The following ADGRB2 variants were observed in gnomAD, a reference collection of about 807,000 sequenced individuals.
ADGRB2 encodes the protein adhesion G protein-coupled receptor B2, also known as brain-specific angiogenesis inhibitor 2.
In ADGRB2, 47 loss-of-function variants were observed where a neutral mutation model predicts 178.7. The ratio of observed to expected loss-of-function variants is 0.26; its 90% CI spans 0.21 to 0.34. The LOEUF (loss-of-function observed/expected upper bound fraction) is 0.34. ADGRB2 is among the 10% of genes least tolerant of loss of function. The pLI, the probability that ADGRB2 is intolerant of heterozygous loss-of-function variation, is 1.00. For synonymous variants in ADGRB2, 870 were observed against 912.4 expected, an observed-to-expected ratio of 0.95 and a Z score of 0.84; for missense variants, 1,584 against 2,180.8, an observed-to-expected ratio of 0.73 and a Z score of 5.45.
In ADGRB2 at chr1:31,735,138, C is replaced by CA; in HGVS notation, c.3452+44_3452+45insT. On this transcript the variant is annotated intron_variant, in intron 25 of 32. Coordinates refer to ENST00000373658, the MANE Select transcript of ADGRB2 (RefSeq NM_001364857.2). This position sits in a 1 kb window ranked among gnomAD's most constrained non-coding sequence, Gnocchi z 6.0. ...CCATGGGCACTGCCCCCCCCAATTC[C>CA]TTTGCCCCACCCACCCCCACCGCCC... The CA allele has an allele frequency of 1.7e-6, 2 of 1,202,004 alleles. No homozygotes were observed. The highest frequency in any genetic ancestry group is 2.2e-6 in the Non-Finnish European group (2 of 893,252). 74.5% of individuals were successfully genotyped at this position (1,202,004 alleles called of 1,614,324 possible).
rs1173754649 is a variant in ADGRB2, at chr1:31,758,829, C to G, written c.-190-1318G>C. 1.8e-5 allele frequency: 3 copies of G among 166,132 alleles called. No individual in the cohort carries two copies. The highest frequency in any genetic ancestry group is 7.2e-5 in the African/African-American group (3 of 41,898). The allele number at this position is 166,132 out of a possible 1,614,324, so 10.3% of individuals were successfully genotyped here. Reference sequence around the variant, plus strand: ...CTCAGAGCTGAAAAAGGGATCAGACCCCTGGTCTTTCCCACCCTACATCAT... The same window carrying G: ...CTCAGAGCTGAAAAAGGGATCAGACGCCTGGTCTTTCCCACCCTACATCAT... On this transcript the variant is annotated intron_variant, in intron 1 of 32. Transcript: ENST00000373658. The surrounding 1 kb of genome is among the most constrained non-coding windows in gnomAD (Gnocchi z 4.2).
rs772348583 is a variant in ADGRB2, at chr1:31,728,211, C to A, written c.4486G>T (p.Asp1496Tyr). 1.2e-6 allele frequency: 2 copies of A among 1,614,038 alleles called. No individual in the cohort carries two copies. Among genetic ancestry groups the A allele is most frequent in the African/African-American group, 2.7e-5 (2 of 74,938 alleles). The stretch of plus-strand genomic sequence containing the variant: ...GCCGTGGACTGGCTGCGGTAGCGGT[C>A]GAAAGTGTGGAACTTCTGGTTGAGC... The part of the protein sequence containing the change: ...HELNQKFHTF[D>Y]RYRSQSTAKR... Residue 1496 changes from aspartate (D) to tyrosine (Y), a missense_variant, in exon 31 of 33, where the codon GAC becomes TAC. Asp to Tyr is a radical substitution (Grantham distance 160). This residue lies in a region of ADGRB2 where 865 missense variants were observed against 1,192.8 expected (regional missense o/e 0.73). Coordinates refer to ENST00000373658, the MANE Select transcript of ADGRB2 (RefSeq NM_001364857.2). This position sits in a 1 kb window ranked among gnomAD's most constrained non-coding sequence, Gnocchi z 6.7.
rs901050119 is a variant in ADGRB2 at position 31,738,187 on chromosome 1, C to T, written c.2772+13G>A. On this transcript the variant is annotated intron_variant, in intron 18 of 32. Coordinates refer to ENST00000373658, the MANE Select transcript of ADGRB2 (RefSeq NM_001364857.2). ...CCTCCCTTATTCAGCCCAGGCACCT[C>T]TGTTCCACTCACCAGGTCCTTGGGC... The T allele has an allele frequency of 2.5e-6, 4 of 1,613,974 alleles. No individual in the cohort carries two copies. The highest frequency in any genetic ancestry group is 3.4e-6 in the Non-Finnish European group (4 of 1,179,930).
At chr1:31,739,771 G>A in intron 14 of ADGRB2, 136 bp from the exon 15 acceptor site, 1 of 1,205,016 alleles carries the variant, frequency 8.3e-7, no homozygotes, top group African/African-American at 1.5e-5. Context: ...TACAAACACA[G>A]AGACAGACAT....
chr1:31,764,020 C>G lies in ADGRB2; in HGVS notation c.-327G>C, dbSNP rs1415785948. On this transcript the variant is annotated 5_prime_UTR_variant, in exon 1 of 33. Coordinates refer to ENST00000373658, the MANE Select transcript of ADGRB2 (RefSeq NM_001364857.2). The surrounding 1 kb of genome is among the most constrained non-coding windows in gnomAD (Gnocchi z 7.3). ...CAGCCGCGCGGAGGGCCGAGGCTCCCGCTCTCCCGGGCGGCGGGTGCAGAA... is the reference window on the plus strand; with the variant it reads ...CAGCCGCGCGGAGGGCCGAGGCTCCGGCTCTCCCGGGCGGCGGGTGCAGAA... 1.0e-6 allele frequency: 1 copy of G among 978,340 alleles called. No individual in the cohort carries two copies. Among genetic ancestry groups the G allele is most frequent in the Non-Finnish European group, 1.2e-6 (1 of 827,616 alleles). The allele number at this position is 978,340 out of a possible 1,614,324, so 60.6% of individuals were successfully genotyped here. A position where few individuals can be genotyped will look rare whatever the true frequency, so the allele number is the denominator to read the frequency against.
Position 31,741,404 on chromosome 1 carries a change from A to G in ADGRB2, c.1763T>C (p.Ile588Thr). Reference protein sequence around the residue: ...YWGLPSFARCISHEYRYLYLS... With the variant: ...YWGLPSFARCTSHEYRYLYLS... ...ATACAGGTAGCGGTACTCATGGGAG[A>G]TGCAGCGAGCAAAGCTGGGCAGCCC... The change falls in exon 11 of 33, where the codon ATC becomes ACC. Residue 588 changes from isoleucine to threonine, a missense_variant. Physicochemically the swap from Ile to Thr is moderately conservative, Grantham distance 89. Transcript: ENST00000373658. This position sits in a 1 kb window ranked among gnomAD's most constrained non-coding sequence, Gnocchi z 6.5. 1 of 1,606,918 alleles carries G rather than the reference A, an allele frequency of 6.2e-7. No homozygotes were observed. The highest frequency in any genetic ancestry group is 8.5e-7 in the Non-Finnish European group (1 of 1,177,022).
At chr1:31,747,898 A>G (rs1216968668) in intron 4 of ADGRB2, among the ~76,000 whole-genome samples, 1 of 152,192 alleles carries the variant, frequency 6.6e-6, no homozygotes, top group Non-Finnish European at 1.5e-5. Flanking sequence ...GACCACTAAG[A>G]CAGGCTCAAA....
At position 31,733,178 on chromosome 1, in the gene ADGRB2, A is replaced by G; in HGVS notation, c.3453-35T>C. 1 of 1,549,324 alleles carries G rather than the reference A, an allele frequency of 6.5e-7. No homozygotes were observed. On this transcript the variant is annotated intron_variant, in intron 25 of 32. Transcript: ENST00000373658. The surrounding 1 kb of genome is among the most constrained non-coding windows in gnomAD (Gnocchi z 4.3). The stretch of plus-strand genomic sequence containing the variant: ...CAGTGGCAGAGCCCATCAGAGTGAC[A>G]CTCCGGGGGACAGGATGGCTTGAGC...
rs1553185114 is a variant in ADGRB2, at chr1:31,740,895, G to GCGCACACACACACACA, written c.1795-355_1795-354insTGTGTGTGTGTGTGCG. Among the ~76,000 whole-genome samples the GCGCACACACACACACA allele has an allele frequency of 7.3e-4, 103 of 140,484 alleles. No homozygotes were observed. Among genetic ancestry groups the GCGCACACACACACACA allele is most frequent in the African/African-American group, 1.3e-3 (49 of 37,556 alleles). The allele number at this position is 140,484 out of a possible 152,430, so 92.2% of individuals were successfully genotyped here. A position where few individuals can be genotyped will look rare whatever the true frequency, so the allele number is the denominator to read the frequency against. On this transcript the variant is annotated intron_variant, in intron 11 of 32. Coordinates refer to ENST00000373658, the MANE Select transcript of ADGRB2 (RefSeq NM_001364857.2). This position sits in a 1 kb window ranked among gnomAD's most constrained non-coding sequence, Gnocchi z 5.9. Reference sequence around the variant, plus strand: ...AATGAGCATGTGTGTGGGCGCGCGCGCACACACACACACACACACACACAC... The same window carrying GCGCACACACACACACA: ...AATGAGCATGTGTGTGGGCGCGCGCGCGCACACACACACACACACACACACACACACACACACACAC...
rs982865043 is a variant in ADGRB2, at chr1:31,742,993, A to ACGC, written c.1094_1096dup (p.Gly365dup). On this transcript the variant is annotated inframe_insertion, in exon 7 of 33. Coordinates refer to ENST00000373658, the MANE Select transcript of ADGRB2 (RefSeq NM_001364857.2). ...GCTCCAGGACCCCCACTCCTCCCAC[A>ACGC]CGCCGTGCACTGCAAGGAAGCACGT... 9 of 1,503,120 alleles carry ACGC rather than the reference A, an allele frequency of 6.0e-6. No homozygotes were observed. The African/African-American group carries it at 1.3e-4, about 21-fold the overall frequency. The allele number at this position is 1,503,120 out of a possible 1,614,324, so 93.1% of individuals were successfully genotyped here.
rs934168902 is a variant in ADGRB2, at chr1:31,756,875, T to C, written c.22-60A>G. On this transcript the variant is annotated intron_variant, in intron 3 of 32. Coordinates refer to ENST00000373658, the MANE Select transcript of ADGRB2 (RefSeq NM_001364857.2). This position sits in a 1 kb window ranked among gnomAD's most constrained non-coding sequence, Gnocchi z 8.5. ...CACAGCCAGCATGGGCTCTGAACCT[T>C]CTATGGTGAGCTGCGGGAGTGGGCC... 8 of 1,418,092 alleles carry C rather than the reference T, an allele frequency of 5.6e-6. 1 individual carries two copies. The highest frequency in any genetic ancestry group is 2.5e-5 in the East Asian group (1 of 39,964). The allele number at this position is 1,418,092 out of a possible 1,614,324, so 87.8% of individuals were successfully genotyped here.
At position 31,733,056 on chromosome 1, in the gene ADGRB2, G is replaced by A. The variant is rs376643169; in HGVS notation, c.3540C>T (p.Ser1180=). The A allele has an allele frequency of 3.8e-6, 6 of 1,579,218 alleles. No homozygotes were observed. Among genetic ancestry groups the A allele is most frequent in the Non-Finnish European group, 4.3e-6 (5 of 1,162,652 alleles). ...CAGCAAAGAGGGCCTGGAAGAGGAC[G>A]GAACGGCGGTCTGTCATAGCCAGGA... ...SAVLAMTDRR[S]VLFQALFAVF... Residue 1180 remains serine (S), a synonymous_variant, in exon 26 of 33, where the codon TCC becomes TCT. Coordinates refer to ENST00000373658, the MANE Select transcript of ADGRB2 (RefSeq NM_001364857.2). This position sits in a 1 kb window ranked among gnomAD's most constrained non-coding sequence, Gnocchi z 4.3.
At chr1:31,739,207 G>T in intron 15 of ADGRB2, 101 bp downstream of exon 15, 1 of 1,261,910 alleles carries the variant, frequency 7.9e-7, no homozygotes, top group Non-Finnish European at 1.1e-6. Flanking sequence ...GGAGGAGGCT[G>T]CCATGGATCT....
chr1:31,747,796 T>C (rs1174061899), intron 4 of ADGRB2, among the ~76,000 whole-genome samples: 1 of 152,224 alleles, frequency 6.6e-6, no homozygotes, highest in African/African-American at 2.4e-5. Flanking sequence ...TCACGAGGAA[T>C]GGTCATTTGT....
Position 31,741,640 on chromosome 1 carries a change from G to A in ADGRB2, c.1671C>T (p.Cys557=), listed in dbSNP as rs759913031. 8.7e-6 allele frequency: 14 copies of A among 1,613,886 alleles called. No homozygotes were observed. The highest frequency in any genetic ancestry group is 1.0e-5 in the Non-Finnish European group (12 of 1,179,940). The change falls in exon 10 of 33, where the codon TGC becomes TGT. Residue 557 remains cysteine (C), a synonymous_variant. Coordinates refer to ENST00000373658, the MANE Select transcript of ADGRB2 (RefSeq NM_001364857.2). The surrounding 1 kb of genome is among the most constrained non-coding windows in gnomAD (Gnocchi z 6.5). ...AAAGEIIYNK[C]PPNASGSASR... The stretch of plus-strand genomic sequence containing the variant: ...GCCCCTTACCTGAGGCATTCGGGGG[G>A]CACTTGTTGTAGATGATCTCGCCAG...
intron 4 of ADGRB2, among the ~76,000 whole-genome samples, chr1:31,746,569 G>T (rs1646284582): frequency 6.6e-6 from 1 of 152,142 alleles, no homozygotes; most frequent in Admixed American, 6.5e-5. Flanking sequence ...GGACTTCTCA[G>T]TGGCCCTTCT....
chr1:31,744,170 G>A lies in ADGRB2; in HGVS notation c.1087+23C>T. ...AGGACCTAACCCTGCAGGCAGGTGG[G>A]GTGGGGAGGAGGATGGGCCTACCTG... On this transcript the variant is annotated intron_variant, in intron 6 of 32. Coordinates refer to ENST00000373658, the MANE Select transcript of ADGRB2 (RefSeq NM_001364857.2). The surrounding 1 kb of genome is among the most constrained non-coding windows in gnomAD (Gnocchi z 6.7). The A allele has an allele frequency of 3.3e-6, 5 of 1,507,312 alleles. No homozygotes were observed. Among genetic ancestry groups the A allele is most frequent in the Non-Finnish European group, 2.7e-6 (3 of 1,122,416 alleles). 93.4% of individuals were successfully genotyped at this position (1,507,312 alleles called of 1,614,324 possible).
In ADGRB2 at chr1:31,740,805, T is replaced by C. The variant is rs561291154; in HGVS notation, c.1795-264A>G. On this transcript the variant is annotated intron_variant, in intron 11 of 32. Transcript: ENST00000373658. The surrounding 1 kb of genome is among the most constrained non-coding windows in gnomAD (Gnocchi z 5.9). ...GGTGTTCAGATGTACATATAAAAGA[T>C]ATAAGCACAGTATGGGAACAGGGTA... 2.0e-4 allele frequency among the ~76,000 whole-genome samples: 31 copies of C among 151,814 alleles called. No homozygotes were observed. Among genetic ancestry groups the C allele is most frequent in the Admixed American group, 7.2e-4 (11 of 15,280 alleles).
In ADGRB2 at chr1:31,728,364, C is replaced by A; in HGVS notation, c.4417-84G>T. 2 of 1,428,052 alleles carry A rather than the reference C, an allele frequency of 1.4e-6. No homozygotes were observed. Among genetic ancestry groups the A allele is most frequent in the East Asian group, 2.3e-5 (1 of 42,554 alleles). The allele number at this position is 1,428,052 out of a possible 1,614,324, so 88.5% of individuals were successfully genotyped here. A position where few individuals can be genotyped will look rare whatever the true frequency, so the allele number is the denominator to read the frequency against. On this transcript the variant is annotated intron_variant, in intron 30 of 32. Coordinates refer to ENST00000373658, the MANE Select transcript of ADGRB2 (RefSeq NM_001364857.2). This position sits in a 1 kb window ranked among gnomAD's most constrained non-coding sequence, Gnocchi z 6.7. ...CCCAGGGCACTCAGCACCCCAAGCC[C>A]CCCACATCCCTCCCTGCTGCCAGCC...
Sources: allele counts gnomAD v4.1 joint callset (sites outside exome capture counted in the v4.1 genomes callset), GRCh38; gene constraint gnomAD v4.1.1; regional missense constraint gnomAD v4.1.1; non-coding constraint Gnocchi (gnomAD v3.1); transcripts MANE v1.5; gene names NCBI Gene and HGNC (gene_info 2026-07-23, HGNC 2026-07-21).